The following NRCAM variants were observed in gnomAD, a reference collection of about 807,000 sequenced individuals.
The protein encoded by NRCAM is neuronal cell adhesion molecule.
A neutral mutation model predicts 156.5 loss-of-function variants in NRCAM; 83 were observed. The observed-to-expected ratio is 0.53, with a 90% CI of 0.44 to 0.64. NRCAM has a LOEUF of 0.64. Ranked by LOEUF, NRCAM falls within the 30% of genes least tolerant of loss-of-function variation. The probability of loss-of-function intolerance (pLI) is 0.00; values close to 1 mark genes in which losing one functional copy is unlikely to be tolerated. For synonymous variants in NRCAM, 538 were observed against 563.9 expected (o/e 0.95, Z 0.65); for missense variants, 1,417 against 1,597.3 (o/e 0.89, Z 1.92).
intron 3 of NRCAM, among the ~76,000 whole-genome samples, chr7:108,282,299 G>A (rs1285368479): frequency 1.3e-5 from 2 of 152,136 alleles, no homozygotes; most frequent in Admixed American, 6.5e-5. Flanking sequence ...ATGAGCTGAT[G>A]GATACCTCAG....
chr7:108,425,067 C>T (rs1387341395), intron 1 of NRCAM, among the ~76,000 whole-genome samples: 1 of 152,120 alleles, frequency 6.6e-6, no homozygotes, highest in African/African-American at 2.4e-5. Context: ...AGTCTTCCCC[C>T]AACCCCTCGA....
intron 25 of NRCAM, among the ~76,000 whole-genome samples, chr7:108,178,593 C>T (rs536291647): frequency 2.9e-4 from 44 of 152,276 alleles, no homozygotes; most frequent in African/African-American, 8.4e-4. Context: ...GGTGCAGAAA[C>T]GTTCTTATCC....
intron 20 of NRCAM, among the ~76,000 whole-genome samples, chr7:108,188,335 C>T (rs1402144783): frequency 6.6e-6 from 1 of 152,040 alleles, no homozygotes; most frequent in Admixed American, 6.5e-5. Context: ...TGTGGGTTAA[C>T]ACTCCTTACA....
chr7:108,344,517 C>G (rs2099330095), intron 2 of NRCAM, among the ~76,000 whole-genome samples: 1 of 151,972 alleles, frequency 6.6e-6, no homozygotes, highest in African/African-American at 2.4e-5. Context: ...AAAACCAAAC[C>G]AAAATGAAAA....
At chr7:108,275,947 T>C (rs2097581452) in intron 3 of NRCAM, among the ~76,000 whole-genome samples, 1 of 152,226 alleles carries the variant, frequency 6.6e-6, no homozygotes, top group South Asian at 2.1e-4. Context: ...TTGTTCTCGT[T>C]GGTTTCAAAG....
chr7:108,182,994 C>G (rs2064335029), intron 22 of NRCAM, 74 bp from the exon 23 acceptor site: 5 of 1,198,626 alleles, frequency 4.2e-6, no homozygotes, highest in Non-Finnish European at 6.1e-6. Context: ...ACAGCAAATT[C>G]AATTCCCAGA....
chr7:108,223,868 C>G (rs184074789), intron 10 of NRCAM, 32 bp from the exon 11 acceptor site: 4 of 992,836 alleles, frequency 4.0e-6, no homozygotes, highest in African/African-American at 1.6e-5. Flanking sequence ...TGCATTACAA[C>G]TTATAAATAT....
At chr7:108,387,772 T>C (rs999300511) in intron 2 of NRCAM, among the ~76,000 whole-genome samples, 1 of 147,562 alleles carries the variant, frequency 6.8e-6, no homozygotes, top group African/African-American at 2.5e-5. Context: ...AGTGTTCTCA[T>C]TGTTCCATTC....
chr7:108,364,081 G>A (rs921558900), intron 2 of NRCAM, among the ~76,000 whole-genome samples: 2 of 152,176 alleles, frequency 1.3e-5, no homozygotes, highest in East Asian at 1.9e-4. Flanking sequence ...AATGCAAGAC[G>A]TTAATAATAG....
rs1303557659 is a variant in NRCAM at position 108,184,330 on chromosome 7, C to T, written c.2234-19G>A. 6.2e-7 allele frequency: 1 copy of T among 1,613,932 alleles called. No homozygotes were observed. Among genetic ancestry groups the T allele is most frequent in the African/African-American group, 1.3e-5 (1 of 74,914 alleles). The stretch of plus-strand genomic sequence containing the variant: ...TCTGGTTCTGGAAGTTAAGCAGCCA[C>T]ACATGTGTAAGCTTTGGCCTTTTGC... On this transcript the variant is annotated intron_variant, in intron 21 of 32. Coordinates refer to ENST00000379028, the MANE Select transcript of NRCAM (RefSeq NM_001037132.4).
intron 2 of NRCAM, among the ~76,000 whole-genome samples, chr7:108,331,553 T>G (rs964892005): frequency 6.6e-6 from 1 of 152,208 alleles, no homozygotes; most frequent in Non-Finnish European, 1.5e-5. Context: ...CAGGATAATA[T>G]AGTACCTTCT....
At chr7:108,404,903 T>A (rs1479650192) in intron 1 of NRCAM, among the ~76,000 whole-genome samples, 3 of 152,122 alleles carry the variant, frequency 2.0e-5, no homozygotes, top group African/African-American at 7.2e-5. Context: ...TCCAGAACAG[T>A]GAGACTTTTC....
At chr7:108,429,040 T>G (rs1167968937) in intron 1 of NRCAM, among the ~76,000 whole-genome samples, 2 of 152,200 alleles carry the variant, frequency 1.3e-5, no homozygotes, top group East Asian at 1.9e-4. Context: ...ACAAGCACTG[T>G]TTTGTTCAGA....
At chr7:108,214,436 G>T (rs920101757) in intron 11 of NRCAM, among the ~76,000 whole-genome samples, 6 of 152,148 alleles carry the variant, frequency 3.9e-5, no homozygotes, top group Non-Finnish European at 7.4e-5. Flanking sequence ...TTGTATTTCT[G>T]TGGGATCAGT....
chr7:108,168,431 A>T (rs1304642071), intron 28 of NRCAM, 29 bp from the exon 29 acceptor site: 1 of 1,569,042 alleles, frequency 6.4e-7, no homozygotes, highest in South Asian at 1.2e-5. Context: ...AATAAAACAA[A>T]CAATCATATT....
chr7:108,226,541 A>G (rs1381565077), intron 8 of NRCAM, among the ~76,000 whole-genome samples, 163 bp from the exon 9 acceptor site: 2 of 152,106 alleles, frequency 1.3e-5, no homozygotes. Flanking sequence ...AAAAAAAAAA[A>G]AAAAAATACG....
rs763139815 is a variant in NRCAM at position 108,333,261 on chromosome 7, T to C, written c.-173-20530A>G. 2.6e-5 allele frequency among the ~76,000 whole-genome samples: 4 copies of C among 152,304 alleles called. No individual in the cohort carries two copies. In the East Asian group the frequency reaches 7.7e-4, roughly 29 times the overall value. On this transcript the variant is annotated intron_variant, in intron 2 of 32. Transcript: ENST00000379028. ...AATTTTTCCTACCTCTTTCTCATCA[T>C]ATATTTAAACACATACACGCACACA... is the stretch of plus-strand genomic sequence containing the variant.
intron 2 of NRCAM, among the ~76,000 whole-genome samples, chr7:108,315,749 C>T (rs887639628): frequency 6.6e-6 from 1 of 152,162 alleles, no homozygotes; most frequent in Non-Finnish European, 1.5e-5. Flanking sequence ...AAGAAGGGAT[C>T]CATTCGAGCA....
At chr7:108,374,889 A>T (rs1441675041) in intron 2 of NRCAM, among the ~76,000 whole-genome samples, 1 of 152,184 alleles carries the variant, frequency 6.6e-6, no homozygotes, top group Non-Finnish European at 1.5e-5. Flanking sequence ...CAGTACTTGT[A>T]GGCAGGAGAT....
Sources: gnomAD v4.1 joint callset for allele counts (sites outside exome capture counted in the v4.1 genomes callset) on GRCh38, gnomAD v4.1.1 for gene constraint, MANE v1.5 for transcripts, NCBI Gene and HGNC (gene_info 2026-07-23, HGNC 2026-07-21) for gene names.